Variants in PCDHA1 observed in about 807,000 individuals in gnomAD.
PCDHA1 encodes protocadherin alpha 1, also known as protocadherin alpha-1.
A neutral mutation model predicts 61.3 loss-of-function variants in PCDHA1; 42 were observed. The observed-to-expected ratio is 0.69, with a 90% confidence interval of 0.54 to 0.89. PCDHA1 has a LOEUF of 0.89. Among genes scored for constraint, PCDHA1 ranks in the 40% least tolerant of loss-of-function variants. PCDHA1 has a pLI of 0.00. For missense variants in PCDHA1, 1,256 were observed against 1,235.3 expected (o/e 1.02, Z -0.25); for synonymous variants, 610 against 553.8 (o/e 1.10, Z -1.43).
At chr5:140,941,194 T>TCTTC (rs781904538) in intron 1 of PCDHA1, among the ~76,000 whole-genome samples, 2 of 112,354 alleles carry the variant, frequency 1.8e-5, no homozygotes, top group Non-Finnish European at 3.8e-5. Context: ...TCTTTTTTTT[T>TCTTC]CTTTCTTCCT....
At chr5:140,966,709 G>A (rs1447935100) in intron 1 of PCDHA1, 4 of 1,387,174 alleles carry the variant, frequency 2.9e-6, no homozygotes, top group Non-Finnish European at 2.8e-6. Flanking sequence ...CGTGGGGCAC[G>A]GCTGGGGAAG....
rs139629080 is a variant in PCDHA1, at chr5:140,828,492, C to G, written c.2394+39808C>G. ...ATTAACGACAACCCGCCCTTGTTCC[C>G]GGTAGAGGAACAAAGAGTGCTGATT... On this transcript the variant is annotated intron_variant, in intron 1 of 3. Coordinates refer to ENST00000504120, the MANE Select transcript of PCDHA1 (RefSeq NM_018900.4). 3.7e-6 allele frequency: 6 copies of G among 1,614,162 alleles called. No homozygotes were observed. The highest frequency in any genetic ancestry group is 4.5e-5 in the East Asian group (2 of 44,888).
intron 1 of PCDHA1, among the ~76,000 whole-genome samples, chr5:140,901,060 AT>A (rs542927280): frequency 1.3e-5 from 2 of 151,130 alleles, no homozygotes; most frequent in East Asian, 3.9e-4. Flanking sequence ...AGATTATTAG[AT>A]TTTTTTTTCT....
At chr5:140,927,808 T>C (rs782535814) in intron 1 of PCDHA1, 116 of 1,614,090 alleles carry the variant, frequency 7.2e-5, no homozygotes, top group Non-Finnish European at 9.6e-5. Context: ...TGAAACGCTC[T>C]TGGAGGCATA....
chr5:140,850,663 G>C (rs2150492641), intron 1 of PCDHA1: 11 of 1,598,502 alleles, frequency 6.9e-6, no homozygotes, highest in African/African-American at 1.3e-5. Context: ...GTGCTGCGGT[G>C]CTCGGCGATG....
intron 1 of PCDHA1, chr5:140,863,693 C>T: frequency 3.3e-6 from 1 of 301,562 alleles, no homozygotes; most frequent in African/African-American, 2.2e-5. Flanking sequence ...TTTTGAGATG[C>T]TTTATTTAAA....
chr5:140,839,525 G>A (rs2150298665), intron 1 of PCDHA1, among the ~76,000 whole-genome samples: 9 of 151,898 alleles, frequency 5.9e-5, no homozygotes, highest in Admixed American at 1.3e-4. Context: ...AAGTTGCTGG[G>A]ACTATAGGCA....
At chr5:140,824,019 G>A in intron 1 of PCDHA1, 3 of 1,614,082 alleles carry the variant, frequency 1.9e-6, no homozygotes, top group Admixed American at 1.7e-5. Flanking sequence ...GGAGCTGGTC[G>A]TACTCGCAGC....
chr5:140,801,639 C>A, intron 1 of PCDHA1: 1 of 1,614,212 alleles, frequency 6.2e-7, no homozygotes, highest in Non-Finnish European at 8.5e-7. Context: ...ATCCCGACAG[C>A]CTGGCTCTCG....
At chr5:140,997,636 A>G (rs2097777002) in intron 3 of PCDHA1, among the ~76,000 whole-genome samples, 2 of 151,964 alleles carry the variant, frequency 1.3e-5, no homozygotes, top group African/African-American at 4.8e-5. Flanking sequence ...AAAAAGCAAA[A>G]TGGGATAATG....
intron 1 of PCDHA1, among the ~76,000 whole-genome samples, chr5:140,935,798 G>T (rs1302798386): frequency 6.6e-6 from 1 of 151,552 alleles, no homozygotes; most frequent in Non-Finnish European, 1.5e-5. Context: ...ATATAAACGA[G>T]ATTATTTCAT....
chr5:140,862,813 T>C lies in PCDHA1; in HGVS notation c.2394+74129T>C. 2 of 571,594 alleles carry C rather than the reference T, an allele frequency of 3.5e-6. 1 individual carries two copies. Among genetic ancestry groups the C allele is most frequent in the Non-Finnish European group, 6.7e-6 (2 of 297,160 alleles). The allele number at this position is 571,594 out of a possible 1,614,324, so 35.4% of individuals were successfully genotyped here. On this transcript the variant is annotated intron_variant, in intron 1 of 3. Coordinates refer to ENST00000504120, the MANE Select transcript of PCDHA1 (RefSeq NM_018900.4). ...CGAGGAGCTGGAGCTGCTGCAGTTC[T>C]AGGTGAGAGCGCGCGACGCGGGCAT... is the stretch of plus-strand genomic sequence containing the variant.
chr5:140,828,954 T>C, intron 1 of PCDHA1: 2 of 1,614,236 alleles, frequency 1.2e-6, no homozygotes, highest in South Asian at 1.1e-5. Context: ...GTTGCAGCCA[T>C]GGTTATTGAC....
chr5:140,983,387 G>T (rs1417783796), intron 3 of PCDHA1, among the ~76,000 whole-genome samples: 1 of 152,188 alleles, frequency 6.6e-6, no homozygotes, highest in Non-Finnish European at 1.5e-5. Flanking sequence ...CGCTGTGGCA[G>T]TTTTCAGAAA....
At chr5:140,887,249 A>AC (rs1367463344) in intron 1 of PCDHA1, among the ~76,000 whole-genome samples, 3 of 151,838 alleles carry the variant, frequency 2.0e-5, no homozygotes, top group Non-Finnish European at 4.4e-5. Context: ...GGCGCCCGCC[A>AC]CCACGCCCTG....
rs982709387 is a variant in PCDHA1, at chr5:141,003,306, C to T, written c.2543-6321C>T. ...TGGATTATAGGATTACATGAAGTGG[C>T]CAGCTACTTCCAGAGGGCAGGGTTT... On this transcript the variant is annotated intron_variant, in intron 3 of 3. Coordinates refer to ENST00000504120, the MANE Select transcript of PCDHA1 (RefSeq NM_018900.4). 1.7e-4 allele frequency among the ~76,000 whole-genome samples: 26 copies of T among 152,276 alleles called. No homozygotes were observed. In the East Asian group the frequency reaches 4.1e-3, roughly 24 times the overall value.
Position 140,787,621 on chromosome 5 carries a change from A to G in PCDHA1, c.1331A>G (p.Glu444Gly). The G allele has an allele frequency of 6.2e-7, 1 of 1,613,732 alleles. No individual in the cohort carries two copies. Among genetic ancestry groups the G allele is most frequent in the Non-Finnish European group, 8.5e-7 (1 of 1,179,910 alleles). ...SLWATARVSV[E>G]VADVNDNAPA... ...TGGGCCACGGCCAGGGTGTCCGTGG[A>G]GGTGGCCGACGTGAATGACAACGCG... The change falls in exon 1 of 4, where the codon GAG (glutamate) becomes GGG (glycine). Residue 444 changes from glutamate to glycine, a missense_variant. Glu to Gly is a moderately conservative substitution (Grantham distance 98). Coordinates refer to ENST00000504120, the MANE Select transcript of PCDHA1 (RefSeq NM_018900.4).
rs1167217103 is a variant in PCDHA1, at chr5:140,852,143, C to G, written c.2394+63459C>G. 4 of 873,950 alleles carry G rather than the reference C, an allele frequency of 4.6e-6. No individual in the cohort carries two copies. The African/African-American group carries it at 7.3e-5, about 16-fold the overall frequency. 54.1% of individuals were successfully genotyped at this position (873,950 alleles called of 1,614,324 possible). A position where few individuals can be genotyped will look rare whatever the true frequency, so the allele number is the denominator to read the frequency against. ...AATTAAAAACTCAGTAGAGAAAGAT[C>G]AGAATGGCCTTGAGAATAGAGCCAC... is the stretch of plus-strand genomic sequence containing the variant. On this transcript the variant is annotated intron_variant, in intron 1 of 3. Transcript: ENST00000504120.
At chr5:140,926,018 G>C (rs1489789521) in intron 1 of PCDHA1, among the ~76,000 whole-genome samples, 1 of 152,122 alleles carries the variant, frequency 6.6e-6, no homozygotes, top group Non-Finnish European at 1.5e-5. Context: ...CCAGAGTCCG[G>C]AGGCAGTTTG....
Sources: gnomAD v4.1 joint callset for allele counts (sites outside exome capture counted in the v4.1 genomes callset) on GRCh38, gnomAD v4.1.1 for gene constraint, MANE v1.5 for transcripts, NCBI Gene and HGNC (gene_info 2026-07-23, HGNC 2026-07-21) for gene names.